The following DCP2 variants were observed in gnomAD, a reference collection of about 807,000 sequenced individuals.
DCP2 encodes m7GpppN-mRNA hydrolase.
DCP2 carries 30 observed loss-of-function variants against 56.1 expected under a neutral mutation model. The observed-to-expected ratio is 0.53, with a 90% confidence interval of 0.40 to 0.73. DCP2 has a LOEUF of 0.73. Ranked by LOEUF, DCP2 falls within the 30% of genes least tolerant of loss-of-function variation. DCP2 has a pLI of 0.00. For missense variants in DCP2, 533 were observed against 502.7 expected (o/e 1.06, Z -0.58); for synonymous variants, 197 against 163.3 (o/e 1.21, Z -1.57).
intron 1 of DCP2, among the ~76,000 whole-genome samples, chr5:112,977,330 TTC>T (rs1747760743): frequency 6.6e-6 from 1 of 152,206 alleles, no homozygotes; most frequent in South Asian, 2.1e-4. Context: ...CCATTGTTTT[TTC>T]TGCCTCTGTG....
At chr5:112,992,901 CT>C (rs1274772466) in intron 4 of DCP2, 131 bp downstream of exon 4, 12,076 of 111,358 alleles carry the variant, frequency 0.11, 12 homozygotes, top group Middle Eastern at 0.15. Flanking sequence ...AAGTAACTTA[CT>C]TTTTTTTTTT....
chr5:112,986,153 TTAA>T (rs1213075326), intron 2 of DCP2, 167 bp downstream of exon 2: 5 of 588,250 alleles, frequency 8.5e-6, no homozygotes, highest in East Asian at 8.4e-5. Context: ...AATAATCATA[TTAA>T]TAATCATAAT....
In DCP2 at chr5:113,020,793, A is replaced by G. The variant is rs1464402362; in HGVS notation, c.*7309A>G. The G allele has an allele frequency of 6.6e-6, 1 of 152,234 alleles. No individual in the cohort carries two copies. Among genetic ancestry groups the G allele is most frequent in the African/African-American group, 2.4e-5 (1 of 41,460 alleles). The allele number at this position is 152,234 out of a possible 1,614,324, so 9.4% of individuals were successfully genotyped here. A position where few individuals can be genotyped will look rare whatever the true frequency, so the allele number is the denominator to read the frequency against. ...AACAGTTATGCTCTAACTTTTTGAA[A>G]GCTTTTTGATGTAAATAATAGGTTA... is the stretch of plus-strand genomic sequence containing the variant. On this transcript the variant is annotated 3_prime_UTR_variant, in exon 11 of 11. Coordinates refer to ENST00000389063, the MANE Select transcript of DCP2 (RefSeq NM_152624.6).
Position 113,020,523 on chromosome 5 carries a change from G to C in DCP2, c.*7039G>C, listed in dbSNP as rs144321898. The C allele has an allele frequency of 6.6e-6, 1 of 152,154 alleles. No individual in the cohort carries two copies. Among genetic ancestry groups the C allele is most frequent in the African/African-American group, 2.4e-5 (1 of 41,428 alleles). The allele number at this position is 152,154 out of a possible 1,614,324, so 9.4% of individuals were successfully genotyped here. A position where few individuals can be genotyped will look rare whatever the true frequency, so the allele number is the denominator to read the frequency against. On this transcript the variant is annotated 3_prime_UTR_variant, in exon 11 of 11. Transcript: ENST00000389063. ...TATAAGAACAGAAACATTTGGAACA[G>C]GTTTCATTCTGTTTCTAGATTTATG...
chr5:112,984,725 T>TATATATATATATATATATATAGATA (rs1157313721), intron 1 of DCP2: 1 of 135,642 alleles, frequency 7.4e-6, no homozygotes, highest in Admixed American at 7.4e-5. Context: ...TATATATATA[T>TATATATATATATATATATATAGATA]TTGAGACAGT....
At chr5:113,008,064 C>CT (rs771125326) in intron 9 of DCP2, 22 bp downstream of exon 9, 1 of 1,586,726 alleles carries the variant, frequency 6.3e-7, no homozygotes, top group Non-Finnish European at 8.6e-7. Context: ...AGCTGTCACA[C>CT]TAAGTAGGCA....
intron 10 of DCP2, among the ~76,000 whole-genome samples, chr5:113,011,779 A>G (rs191641996): frequency 6.6e-6 from 1 of 152,278 alleles, no homozygotes; most frequent in Admixed American, 6.5e-5. Context: ...AAAAAAAGTC[A>G]TTGTGAAGAT....
Position 113,013,460 on chromosome 5 carries a change from T to C in DCP2, c.1239T>C (p.Ala413=). 1 of 1,614,150 alleles carries C rather than the reference T, an allele frequency of 6.2e-7. No individual in the cohort carries two copies. The highest frequency in any genetic ancestry group is 2.2e-5 in the East Asian group (1 of 44,882). Residue 413 remains alanine (A), a synonymous_variant, in exon 11 of 11, where the codon GCT becomes GCC. Coordinates refer to ENST00000389063, the MANE Select transcript of DCP2 (RefSeq NM_152624.6). The part of the protein sequence containing the change: ...AFLSFKFDHN[A]IMKILDL The stretch of plus-strand genomic sequence containing the variant: ...TGAGTTTCAAGTTTGACCATAATGC[T>C]ATAATGAAAATCTTGGACCTTTGAT...
chr5:112,997,699 C>G (rs1748930318), intron 4 of DCP2, among the ~76,000 whole-genome samples: 1 of 151,716 alleles, frequency 6.6e-6, no homozygotes, highest in South Asian at 2.1e-4. Context: ...ACCCCAACCT[C>G]CGCCTCCCGG....
intron 3 of DCP2, 83 bp from the exon 4 acceptor site, chr5:112,992,589 T>C (rs983948112): frequency 1.2e-5 from 12 of 999,320 alleles, no homozygotes; most frequent in Non-Finnish European, 1.8e-5. Context: ...TTACCTCAAG[T>C]AAGGAGAAAA....
chr5:112,978,299 A>G (rs1481887775), intron 1 of DCP2, among the ~76,000 whole-genome samples: 1 of 152,314 alleles, frequency 6.6e-6, no homozygotes, highest in Middle Eastern at 3.4e-3. Context: ...TGCACCAGGC[A>G]CTACCTTTAC....
intron 1 of DCP2, among the ~76,000 whole-genome samples, chr5:112,985,195 G>A (rs928311634): frequency 2.6e-5 from 4 of 151,980 alleles, no homozygotes; most frequent in African/African-American, 9.7e-5. Flanking sequence ...TAATAAAGGG[G>A]TTCATTATCC....
chr5:112,986,475 C>G (rs1748293524), intron 2 of DCP2, among the ~76,000 whole-genome samples: 1 of 151,956 alleles, frequency 6.6e-6, no homozygotes, highest in East Asian at 1.9e-4. Flanking sequence ...GCTGTGACTA[C>G]AGGCATGCGC....
intron 2 of DCP2, among the ~76,000 whole-genome samples, chr5:112,988,518 ATG>A (rs1748419013): frequency 6.7e-6 from 1 of 149,926 alleles, no homozygotes; most frequent in Non-Finnish European, 1.5e-5. Flanking sequence ...AAAAAAAAAA[ATG>A]GTATCCAAGA....
chr5:112,991,556 A>T (rs761658934), intron 2 of DCP2, among the ~76,000 whole-genome samples: 13 of 152,342 alleles, frequency 8.5e-5, no homozygotes, highest in Non-Finnish European at 1.6e-4. Context: ...TTATGGAAAC[A>T]ATATATATGT....
chr5:112,992,431 G>T (rs947959676), intron 3 of DCP2, among the ~76,000 whole-genome samples, 183 bp downstream of exon 3: 8 of 151,954 alleles, frequency 5.3e-5, no homozygotes, highest in Non-Finnish European at 1.0e-4. Context: ...ACTTGTTGCA[G>T]TTACGGTGTG....
chr5:112,992,904 T>G (rs1005610230), intron 4 of DCP2, 134 bp downstream of exon 4: 39 of 466,150 alleles, frequency 8.4e-5, no homozygotes, highest in African/African-American at 7.8e-4. Flanking sequence ...TAACTTACTT[T>G]TTTTTTTTTT....
intron 4 of DCP2, among the ~76,000 whole-genome samples, chr5:112,997,075 C>T (rs1342105041): frequency 6.6e-6 from 1 of 152,172 alleles, no homozygotes; most frequent in Non-Finnish European, 1.5e-5. Flanking sequence ...CTAACTGAAA[C>T]TGGTCTGTTT....
In DCP2 at chr5:113,013,568, G is replaced by A; in HGVS notation, c.*84G>A. ...GTCTCCTCAAGCCTTACCTTTCTCA[G>A]GTGTTTTAAAGAAATGCAGGGAGGC... On this transcript the variant is annotated 3_prime_UTR_variant, in exon 11 of 11. Coordinates refer to ENST00000389063, the MANE Select transcript of DCP2 (RefSeq NM_152624.6). The A allele has an allele frequency of 6.7e-7, 1 of 1,502,426 alleles. No homozygotes were observed. Among genetic ancestry groups the A allele is most frequent in the Non-Finnish European group, 9.0e-7 (1 of 1,111,118 alleles). 93.1% of individuals were successfully genotyped at this position (1,502,426 alleles called of 1,614,324 possible).
Sources: gnomAD v4.1 joint callset for allele counts (sites outside exome capture counted in the v4.1 genomes callset) on GRCh38, gnomAD v4.1.1 for gene constraint, MANE v1.5 for transcripts, NCBI Gene and HGNC (gene_info 2026-07-23, HGNC 2026-07-21) for gene names.